Variants in NAALADL2 observed in about 807,000 individuals in gnomAD.
The protein encoded by NAALADL2 is N-acetylated alpha-linked acidic dipeptidase like 2, also known as inactive N-acetylated-alpha-linked acidic dipeptidase-like protein 2.
Under a neutral mutation model 87.2 loss-of-function variants are expected in NAALADL2, and 76 were observed. The ratio of observed to expected loss-of-function variants is 0.87; its 90% CI spans 0.72 to 1.05. The LOEUF is 1.05. NAALADL2 is among the 50% of genes least tolerant of loss of function. The probability of loss-of-function intolerance (pLI) is 0.00; values close to 1 mark genes in which losing one functional copy is unlikely to be tolerated. For missense variants in NAALADL2, 1,089 were observed against 945.8 expected (o/e 1.15, Z -1.99); for synonymous variants, 354 against 331.0 (o/e 1.07, Z -0.75).
Position 175,502,937 on chromosome 3 carries a change from T to C in NAALADL2, c.1653+31179T>C, listed in dbSNP as rs558156549. ...GAGATTTTTTTTCTCTTTTTTTTTT[T>C]CACCATTATTTTAGGTTCAGGGGTA... On this transcript the variant is annotated intron_variant, in intron 9 of 13. Coordinates refer to ENST00000454872, the MANE Select transcript of NAALADL2 (RefSeq NM_207015.3). Among the ~76,000 whole-genome samples the C allele has an allele frequency of 4.9e-3, 728 of 147,900 alleles. 4 individuals carry two copies. The highest frequency in any genetic ancestry group is 0.018 in the African/African-American group (693 of 39,174).
At chr3:175,274,864 C>A (rs1753352949) in intron 4 of NAALADL2, among the ~76,000 whole-genome samples, 1 of 152,106 alleles carries the variant, frequency 6.6e-6, no homozygotes, top group African/African-American at 2.4e-5. Context: ...ATTTTATTGA[C>A]ATAGTTATTC....
At chr3:174,933,036 G>A (rs990287112) in intron 1 of NAALADL2, among the ~76,000 whole-genome samples, 2 of 152,180 alleles carry the variant, frequency 1.3e-5, no homozygotes, top group African/African-American at 4.8e-5. Context: ...AGAGTCACTT[G>A]AACCCAGGAG....
intron 3 of NAALADL2, among the ~76,000 whole-genome samples, chr3:174,845,901 T>C (rs1166705749): frequency 6.6e-6 from 1 of 152,160 alleles, no homozygotes; most frequent in Non-Finnish European, 1.5e-5. Context: ...TTGGTGGTCA[T>C]TGGCTCCCAG....
At chr3:175,101,890 C>G (rs961725694) in intron 2 of NAALADL2, among the ~76,000 whole-genome samples, 2 of 152,014 alleles carry the variant, frequency 1.3e-5, no homozygotes, top group Non-Finnish European at 2.9e-5. Context: ...ATGGTTCTTT[C>G]TAATTATAAG....
At chr3:174,988,353 C>G (rs1265521836) in intron 1 of NAALADL2, among the ~76,000 whole-genome samples, 1 of 152,150 alleles carries the variant, frequency 6.6e-6, no homozygotes, top group Non-Finnish European at 1.5e-5. Flanking sequence ...AACTTATAGT[C>G]AGGACTTATA....
chr3:175,443,145 T>C (rs1420822459), intron 5 of NAALADL2, among the ~76,000 whole-genome samples: 1 of 152,192 alleles, frequency 6.6e-6, no homozygotes, highest in Non-Finnish European at 1.5e-5. Context: ...TTTTAGTATC[T>C]GCTCTCAGAA....
At chr3:174,647,020 G>A (rs1283307379) in intron 2 of NAALADL2, among the ~76,000 whole-genome samples, 3 of 151,984 alleles carry the variant, frequency 2.0e-5, no homozygotes, top group African/African-American at 4.8e-5. Context: ...TAGTCTAAGG[G>A]TTTTCAATTT....
chr3:174,946,838 C>A (rs1739496332), intron 1 of NAALADL2, among the ~76,000 whole-genome samples: 1 of 152,054 alleles, frequency 6.6e-6, no homozygotes. Context: ...TACTCTCTTG[C>A]AATTCTTATA....
chr3:175,780,850 CAAT>C (rs1750958161), intron 13 of NAALADL2, among the ~76,000 whole-genome samples: 1 of 152,116 alleles, frequency 6.6e-6, no homozygotes, highest in Non-Finnish European at 1.5e-5. Context: ...AGCAATATCA[CAAT>C]TATTTGCTGT....
chr3:174,620,845 A>G (rs2108664759), intron 2 of NAALADL2, among the ~76,000 whole-genome samples: 2 of 152,214 alleles, frequency 1.3e-5, no homozygotes, highest in Middle Eastern at 3.4e-3. Context: ...AAATTATGAA[A>G]GATTTTTAGG....
chr3:174,527,642 A>G (rs544513868), intron 1 of NAALADL2, among the ~76,000 whole-genome samples: 4 of 152,298 alleles, frequency 2.6e-5, no homozygotes, highest in South Asian at 2.1e-4. Flanking sequence ...ATTTAATGAC[A>G]GGGAGCTTAG....
intron 2 of NAALADL2, among the ~76,000 whole-genome samples, chr3:174,563,827 A>ATAT (rs1713914164): frequency 6.6e-6 from 1 of 152,116 alleles, no homozygotes; most frequent in African/African-American, 2.4e-5. Context: ...AATACGGTCA[A>ATAT]TATTCATTCA....
At chr3:175,180,352 A>T (rs1427004326) in intron 2 of NAALADL2, among the ~76,000 whole-genome samples, 1 of 152,038 alleles carries the variant, frequency 6.6e-6, no homozygotes, top group Non-Finnish European at 1.5e-5. Flanking sequence ...GGGAGATAAT[A>T]CTATTCATGT....
intron 2 of NAALADL2, among the ~76,000 whole-genome samples, chr3:174,686,688 G>A (rs1185517203): frequency 6.6e-6 from 1 of 151,980 alleles, no homozygotes; most frequent in Non-Finnish European, 1.5e-5. Context: ...ACAAGCAATG[G>A]GGAAAGAATT....
chr3:175,215,098 C>T (rs1420877911), intron 2 of NAALADL2, among the ~76,000 whole-genome samples: 1 of 151,988 alleles, frequency 6.6e-6, no homozygotes, highest in Non-Finnish European at 1.5e-5. Flanking sequence ...GTAAAATCAC[C>T]ATAACAACTT....
intron 3 of NAALADL2, among the ~76,000 whole-genome samples, chr3:174,768,629 A>T (rs554856809): frequency 4.6e-5 from 7 of 152,326 alleles, no homozygotes; most frequent in African/African-American, 1.4e-4. Flanking sequence ...AATTAGGCAG[A>T]TTATACCTTT....
chr3:174,569,987 T>G (rs1158108632), intron 2 of NAALADL2, among the ~76,000 whole-genome samples: 1 of 152,148 alleles, frequency 6.6e-6, no homozygotes, highest in African/African-American at 2.4e-5. Context: ...AAATTTTAGC[T>G]TCCCAAACTT....
At chr3:174,903,654 A>C (rs890395935) in intron 1 of NAALADL2, among the ~76,000 whole-genome samples, 1 of 151,686 alleles carries the variant, frequency 6.6e-6, no homozygotes, top group Non-Finnish European at 1.5e-5. Flanking sequence ...AATAAATACA[A>C]TTGATTTTGA....
intron 3 of NAALADL2, among the ~76,000 whole-genome samples, chr3:174,809,324 C>T (rs1399806): frequency 0.44 from 67,160 of 151,932 alleles, 14,960 homozygotes; most frequent in Admixed American, 0.46. Flanking sequence ...AAAGGAACCA[C>T]GCTATGTAAA....
Sources: allele counts gnomAD v4.1 joint callset (sites outside exome capture counted in the v4.1 genomes callset), GRCh38; gene constraint gnomAD v4.1.1; transcripts MANE v1.5; gene names NCBI Gene and HGNC (gene_info 2026-07-23, HGNC 2026-07-21).